The following LYZL4 variants were observed in gnomAD, a reference collection of about 807,000 sequenced individuals.
LYZL4 encodes the protein lysozyme-like protein 4.
A neutral mutation model predicts 17.6 loss-of-function variants in LYZL4; 13 were observed. That is an observed-to-expected ratio of 0.74 (90% CI 0.48 to 1.18). The LOEUF is 1.18. Ranked by LOEUF, LYZL4 falls within the 50% of genes most tolerant of loss-of-function variation. The pLI, the probability that LYZL4 is intolerant of heterozygous loss-of-function variation, is 0.00. For missense variants in LYZL4, 174 were observed against 188.2 expected, an observed-to-expected ratio of 0.92 and a Z score of 0.44; for synonymous variants, 64 against 67.7, an observed-to-expected ratio of 0.95 and a Z score of 0.27.
chr3:42,390,001 G>A, the LYZL4 span, among the ~76,000 whole-genome samples: 1 of 152,152 alleles, frequency 6.6e-6, no homozygotes, highest in Non-Finnish European at 1.5e-5. Flanking sequence ...TAATGGGGAG[G>A]GAAATTCTCC....
In LYZL4 at chr3:42,404,085, G is replaced by T. The variant is rs781358492; in HGVS notation, c.332C>A (p.Ala111Asp). 1 of 1,612,778 alleles carries T rather than the reference G, an allele frequency of 6.2e-7. No homozygotes were observed. The highest frequency in any genetic ancestry group is 1.7e-5 in the Admixed American group (1 of 59,976). The stretch of plus-strand genomic sequence containing the variant: ...TTCTTTTCCTTTTACAATGGTCTTG[G>T]CACATTTAATTGTCTTCTCTAAATT... ...NPNLEKTIKC[A>D]KTIVKGKEGM... The change falls in exon 4 of 5, where the codon GCC (alanine) becomes GAC (aspartate). Residue 111 changes from alanine to aspartate, a missense_variant. Transcript: ENST00000287748.
chr3:42,362,461 T>C, the LYZL4 span, among the ~76,000 whole-genome samples: 1 of 152,126 alleles, frequency 6.6e-6, no homozygotes, highest in Non-Finnish European at 1.5e-5. Context: ...ACAACAGAAA[T>C]GTATTATATT....
chr3:42,400,617 G>A (rs1325698211), intron 4 of LYZL4, among the ~76,000 whole-genome samples: 1 of 152,110 alleles, frequency 6.6e-6, no homozygotes, highest in Non-Finnish European at 1.5e-5. Flanking sequence ...TAACAGCTTT[G>A]GGGGCATAAT....
chr3:42,368,901 T>A, the LYZL4 span, among the ~76,000 whole-genome samples: 2 of 152,256 alleles, frequency 1.3e-5, no homozygotes, highest in Admixed American at 6.5e-5. Flanking sequence ...GCAATTTTTT[T>A]ATTTGTTTAT....
At chr3:42,401,418 G>A (rs1297903131) in intron 4 of LYZL4, among the ~76,000 whole-genome samples, 3 of 151,998 alleles carry the variant, frequency 2.0e-5, no homozygotes, top group African/African-American at 7.2e-5. Context: ...GTTTCGCCAT[G>A]TTGGCTAGGC....
At chr3:42,384,949 T>C in the LYZL4 span, among the ~76,000 whole-genome samples, 4 of 152,230 alleles carry the variant, frequency 2.6e-5, no homozygotes, top group Non-Finnish European at 4.4e-5. Context: ...GAGTTGAATA[T>C]GTTTTTTTCT....
the LYZL4 span, among the ~76,000 whole-genome samples, chr3:42,369,997 C>T: frequency 6.6e-6 from 1 of 152,116 alleles, no homozygotes; most frequent in African/African-American, 2.4e-5. Flanking sequence ...GCCTGGGTAA[C>T]ACAGCAAGAC....
intron 3 of LYZL4, among the ~76,000 whole-genome samples, chr3:42,406,235 C>T (rs1021329762): frequency 6.6e-6 from 1 of 152,016 alleles, no homozygotes; most frequent in Non-Finnish European, 1.5e-5. Flanking sequence ...GGGCAGATCA[C>T]GAGGTCAGGA....
At chr3:42,397,380 A>G in intron 4 of LYZL4, 46 bp from the exon 5 acceptor site, 1 of 1,347,466 alleles carries the variant, frequency 7.4e-7, no homozygotes, top group Non-Finnish European at 1.0e-6. Context: ...GTCAGAACTC[A>G]GGGTCTCCAG....
At chr3:42,389,495 C>T in the LYZL4 span, among the ~76,000 whole-genome samples, 1 of 152,214 alleles carries the variant, frequency 6.6e-6, no homozygotes, top group Non-Finnish European at 1.5e-5. Context: ...ATTTTGCCAG[C>T]AACTAATTCC....
chr3:42,372,707 AC>A, the LYZL4 span, among the ~76,000 whole-genome samples: 3 of 152,226 alleles, frequency 2.0e-5, no homozygotes. Context: ...ACTTTCCAGC[AC>A]AACTTGCTCT....
At chr3:42,375,789 T>G in the LYZL4 span, among the ~76,000 whole-genome samples, 1 of 152,208 alleles carries the variant, frequency 6.6e-6, no homozygotes, top group Non-Finnish European at 1.5e-5. Flanking sequence ...ACTCCCCCTC[T>G]TTATCTTCAG....
chr3:42,409,409 A>T (rs33521), intron 1 of LYZL4, among the ~76,000 whole-genome samples: 41,736 of 152,108 alleles, frequency 0.27, 6,244 homozygotes, highest in African/African-American at 0.37. Context: ...TATAATAATT[A>T]AAAAAAGTGA....
the LYZL4 span, among the ~76,000 whole-genome samples, chr3:42,366,593 A>G: frequency 6.6e-6 from 1 of 152,004 alleles, no homozygotes; most frequent in Non-Finnish European, 1.5e-5. Flanking sequence ...TCCTCCTCAC[A>G]CCAAACGATC....
At chr3:42,392,402 TAAAG>T (rs1698492286), downstream of LYZL4, among the ~76,000 whole-genome samples, 1 of 152,018 alleles carries the variant, frequency 6.6e-6, no homozygotes, top group African/African-American at 2.4e-5. Context: ...GTGGGAGAGT[TAAAG>T]AGAGAGGAGA....
chr3:42,366,446 C>T, the LYZL4 span, among the ~76,000 whole-genome samples: 3 of 152,170 alleles, frequency 2.0e-5, no homozygotes, highest in Non-Finnish European at 4.4e-5. Context: ...GCCACTGCTG[C>T]GCTGGGTCTC....
chr3:42,373,266 G>A, the LYZL4 span, among the ~76,000 whole-genome samples: 221 of 152,160 alleles, frequency 1.5e-3, 2 homozygotes, highest in African/African-American at 4.8e-3. Flanking sequence ...GAGCTGGTGC[G>A]GAGAGCCTGG....
chr3:42,371,227 C>T, the LYZL4 span, among the ~76,000 whole-genome samples: 2 of 152,166 alleles, frequency 1.3e-5, no homozygotes, highest in Non-Finnish European at 2.9e-5. Flanking sequence ...TGGTTTATTG[C>T]CTTACTAGAG....
At chr3:42,409,235 C>T (rs577638097) in intron 1 of LYZL4, among the ~76,000 whole-genome samples, 70 of 152,248 alleles carry the variant, frequency 4.6e-4, no homozygotes, top group African/African-American at 1.4e-3. Context: ...CAGATTAAAA[C>T]AGTACTTAAT....
Sources: allele counts gnomAD v4.1 joint callset (sites outside exome capture counted in the v4.1 genomes callset), GRCh38; gene constraint gnomAD v4.1.1; transcripts MANE v1.5; gene names NCBI Gene and HGNC (gene_info 2026-07-23, HGNC 2026-07-21).